Variants in PDE1A observed in about 807,000 individuals in gnomAD.
PDE1A encodes the protein dual specificity calcium/calmodulin-dependent 3',5'-cyclic nucleotide phosphodiesterase 1A.
Under a neutral mutation model 61.7 loss-of-function variants are expected in PDE1A, and 35 were observed. That is an observed-to-expected ratio of 0.57 (90% CI 0.43 to 0.75). PDE1A has a LOEUF of 0.75. Among genes scored for constraint, PDE1A ranks in the 30% least tolerant of loss-of-function variants. The probability of loss-of-function intolerance (pLI) is 0.00; values close to 1 mark genes in which losing one functional copy is unlikely to be tolerated. For synonymous variants in PDE1A, 232 were observed against 213.2 expected (o/e 1.09, Z -0.77); for missense variants, 597 against 630.6 (o/e 0.95, Z 0.57).
chr2:182,248,310 C>T (rs921174432), intron 2 of PDE1A, among the ~76,000 whole-genome samples: 7 of 149,804 alleles, frequency 4.7e-5, no homozygotes, highest in African/African-American at 7.4e-5. Flanking sequence ...GAAAAAGAAA[C>T]GATAAGGAAT....
chr2:182,615,429 T>A, the PDE1A span, among the ~76,000 whole-genome samples: 1 of 152,124 alleles, frequency 6.6e-6, no homozygotes, highest in Admixed American at 6.6e-5. Context: ...AATTAAAATA[T>A]TATTGGGAAG....
chr2:182,520,895 G>C (rs1002609141), intron 2 of PDE1A, among the ~76,000 whole-genome samples: 1 of 151,900 alleles, frequency 6.6e-6, no homozygotes, highest in Non-Finnish European at 1.5e-5. Context: ...GCTGTTATTT[G>C]CTTTGATAGG....
chr2:182,240,673 G>A (rs538957482), intron 2 of PDE1A, among the ~76,000 whole-genome samples: 1 of 152,066 alleles, frequency 6.6e-6, no homozygotes, highest in African/African-American at 2.4e-5. Context: ...AACTGGAGTG[G>A]GAAGAAAAAA....
chr2:182,335,766 TG>T (rs1422191608), intron 1 of PDE1A, among the ~76,000 whole-genome samples: 4 of 151,948 alleles, frequency 2.6e-5, no homozygotes, highest in Non-Finnish European at 4.4e-5. Flanking sequence ...AATTGACAAG[TG>T]GGATATAATT....
chr2:182,270,337 A>G (rs1692928151), intron 1 of PDE1A, among the ~76,000 whole-genome samples: 1 of 152,144 alleles, frequency 6.6e-6, no homozygotes, highest in African/African-American at 2.4e-5. Flanking sequence ...TACATTCCAA[A>G]TGAAAAGTTA....
chr2:182,194,772 T>C (rs1225259206), intron 10 of PDE1A, among the ~76,000 whole-genome samples: 1 of 152,038 alleles, frequency 6.6e-6, no homozygotes, highest in Non-Finnish European at 1.5e-5. Context: ...AAAAAATTCT[T>C]AGTGTCTGAG....
chr2:182,565,435 C>T, the PDE1A span, among the ~76,000 whole-genome samples: 8 of 152,180 alleles, frequency 5.3e-5, no homozygotes, highest in East Asian at 3.9e-4. Flanking sequence ...GAGGAGTACC[C>T]GGCCATGTGA....
chr2:182,328,212 A>G (rs1697173992), intron 1 of PDE1A, among the ~76,000 whole-genome samples: 1 of 152,206 alleles, frequency 6.6e-6, no homozygotes, highest in African/African-American at 2.4e-5. Flanking sequence ...GCAGTAGGAA[A>G]ACATGGAATG....
At chr2:182,291,215 C>T (rs369029255) in intron 1 of PDE1A, among the ~76,000 whole-genome samples, 1 of 152,140 alleles carries the variant, frequency 6.6e-6, no homozygotes, top group East Asian at 1.9e-4. Context: ...TACATTACCA[C>T]TGATCTTCAT....
At chr2:182,565,157 C>T in the PDE1A span, among the ~76,000 whole-genome samples, 8 of 152,208 alleles carry the variant, frequency 5.3e-5, no homozygotes, top group African/African-American at 1.7e-4. Flanking sequence ...AGTTTTTCTG[C>T]TCTGTTCTTT....
intron 1 of PDE1A, among the ~76,000 whole-genome samples, chr2:182,377,663 C>G (rs928315826): frequency 2.2e-4 from 33 of 152,068 alleles, no homozygotes; most frequent in Admixed American, 4.6e-4. Context: ...TCTTTATGAC[C>G]CAGCAGTTCC....
exon 3 of PDE1A, chr2:182,240,226 C>T: frequency 6.2e-7 from 1 of 1,613,658 alleles, no homozygotes; most frequent in Non-Finnish European, 8.5e-7. Flanking sequence ...CCAACCAGTC[C>T]CGGACTTCAG....
chr2:182,183,715 AAT>A (rs1344675563), intron 13 of PDE1A, among the ~76,000 whole-genome samples: 1 of 152,184 alleles, frequency 6.6e-6, no homozygotes, highest in African/African-American at 2.4e-5. Flanking sequence ...AAGTTTTTTA[AAT>A]ATGTTTTTAA....
intron 1 of PDE1A, among the ~76,000 whole-genome samples, chr2:182,378,063 G>T (rs1700516207): frequency 6.6e-6 from 1 of 152,096 alleles, no homozygotes; most frequent in Admixed American, 6.5e-5. Flanking sequence ...AGCCAGGAAG[G>T]TCTCGATCTC....
chr2:182,684,100 G>T, the PDE1A span, among the ~76,000 whole-genome samples: 1 of 141,576 alleles, frequency 7.1e-6, no homozygotes, highest in Non-Finnish European at 1.5e-5. Context: ...TCCAGCCTGG[G>T]CAACAAGAGC....
intron 13 of PDE1A, among the ~76,000 whole-genome samples, chr2:182,157,620 G>A (rs912161106): frequency 2.0e-5 from 3 of 151,718 alleles, no homozygotes; most frequent in Non-Finnish European, 4.4e-5. Flanking sequence ...CGTTTTTTTC[G>A]TGGAGACTAA....
chr2:182,201,397 C>A, intron 10 of PDE1A, 42 bp downstream of exon 10: 1 of 1,608,794 alleles, frequency 6.2e-7, no homozygotes, highest in South Asian at 1.1e-5. Flanking sequence ...TATGCACAGT[C>A]ACTATTTCCA....
chr2:182,647,999 A>G, the PDE1A span, among the ~76,000 whole-genome samples: 96,440 of 151,902 alleles, frequency 0.63, 30,775 homozygotes, highest in Admixed American at 0.72. Context: ...TTTCCTCTAG[A>G]AAGCTGATTT....
At chr2:182,574,603 T>C in the PDE1A span, among the ~76,000 whole-genome samples, 1 of 152,194 alleles carries the variant, frequency 6.6e-6, no homozygotes, top group African/African-American at 2.4e-5. Flanking sequence ...GAAAAAAATA[T>C]TTTCTTAGTA....
Sources: gnomAD v4.1 joint callset for allele counts (sites outside exome capture counted in the v4.1 genomes callset) on GRCh38, gnomAD v4.1.1 for gene constraint, MANE v1.5 for transcripts, NCBI Gene and HGNC (gene_info 2026-07-23, HGNC 2026-07-21) for gene names.